Variants in TPRG1 observed in about 807,000 individuals in gnomAD.
The protein encoded by TPRG1 is tumor protein p63-regulated gene 1 protein.
TPRG1 carries 29 observed loss-of-function variants against 29.3 expected under a neutral mutation model. The observed-to-expected ratio is 0.99, with a 90% CI of 0.74 to 1.35. TPRG1 has a LOEUF of 1.35. Among genes scored for constraint, TPRG1 ranks in the 40% most tolerant of loss-of-function variants. The pLI is 0.00. For synonymous variants in TPRG1, 130 were observed against 116.8 expected (o/e 1.11, Z -0.73); for missense variants, 327 against 335.0 (o/e 0.98, Z 0.19).
At chr3:189,174,474 A>T (rs1221723424) in intron 1 of TPRG1, among the ~76,000 whole-genome samples, 2 of 152,102 alleles carry the variant, frequency 1.3e-5, no homozygotes, top group African/African-American at 4.8e-5. Context: ...TTAGGCTACC[A>T]AGTGTTTGAA....
chr3:189,310,392 A>C lies in TPRG1; in HGVS notation c.486A>C (p.Gln162His). 6.3e-7 allele frequency: 1 copy of C among 1,593,552 alleles called. No individual in the cohort carries two copies. ...TFPGMSLDKR[Q>H]GEGLRIYWGS... ...GAAAACGCCTTTCTTGTAGGAGACA[A>C]GGAGAAGGCCTTAGGATCTACTGGG... The change falls in exon 5 of 6, where the codon CAA becomes CAC. Residue 162 changes from glutamine to histidine, a missense_variant. Gln to His is a conservative substitution (Grantham distance 24, BLOSUM62 0). Transcript: ENST00000345063.
chr3:189,178,956 A>C (rs938151718), intron 1 of TPRG1, among the ~76,000 whole-genome samples: 1 of 152,174 alleles, frequency 6.6e-6, no homozygotes, highest in African/African-American at 2.4e-5. Flanking sequence ...ATCAGTGAAA[A>C]CTTGCAGTAT....
At chr3:189,021,721 C>A (rs1311700560) in intron 3 of TPRG1, among the ~76,000 whole-genome samples, 5 of 152,064 alleles carry the variant, frequency 3.3e-5, no homozygotes, top group Admixed American at 6.5e-5. Flanking sequence ...TGGAGTTGCT[C>A]TTCTCGAGGA....
chr3:189,186,000 C>T (rs966510595), intron 1 of TPRG1, among the ~76,000 whole-genome samples: 6 of 152,086 alleles, frequency 3.9e-5, no homozygotes, highest in Admixed American at 3.9e-4. Context: ...CAATAAGAAC[C>T]TTTAATTTTA....
At chr3:189,119,549 A>C (rs745472277) in intron 1 of TPRG1, among the ~76,000 whole-genome samples, 33 of 152,172 alleles carry the variant, frequency 2.2e-4, no homozygotes, top group Non-Finnish European at 8.8e-5. Context: ...CTGGAGTTGT[A>C]ATAATCTCCA....
At chr3:189,205,156 C>T (rs2108795524) in intron 1 of TPRG1, among the ~76,000 whole-genome samples, 1 of 152,310 alleles carries the variant, frequency 6.6e-6, no homozygotes, top group South Asian at 2.1e-4. Context: ...TACGACTATT[C>T]AAGTGTGACC....
Position 189,310,419 on chromosome 3 carries a change from G to C in TPRG1, c.513G>C (p.Gly171=). The C allele has an allele frequency of 1.2e-6, 2 of 1,611,048 alleles. No homozygotes were observed. Among genetic ancestry groups the C allele is most frequent in the Non-Finnish European group, 1.7e-6 (2 of 1,178,124 alleles). ...GAGAAGGCCTTAGGATCTACTGGGG[G>C]AGTCCGGAGGAGCAGTCTCTTCTGT... is the stretch of plus-strand genomic sequence containing the variant. ...RQGEGLRIYW[G]SPEEQSLLSR... Residue 171 remains glycine, a synonymous_variant, in exon 5 of 6, where the codon GGG becomes GGC. Coordinates refer to ENST00000345063, the MANE Select transcript of TPRG1 (RefSeq NM_198485.4).
intron 3 of TPRG1, among the ~76,000 whole-genome samples, chr3:189,014,651 G>C (rs1712826720): frequency 6.6e-6 from 1 of 152,134 alleles, no homozygotes; most frequent in Admixed American, 6.6e-5. Flanking sequence ...TCATGATTGT[G>C]AGGGAGTTCT....
At chr3:189,160,056 C>CG (rs1560500415) in intron 5 of TPRG1, among the ~76,000 whole-genome samples, 1 of 151,782 alleles carries the variant, frequency 6.6e-6, no homozygotes, top group African/African-American at 2.4e-5. Flanking sequence ...TGTGGGTGGT[C>CG]GGGGGGTCAA....
At chr3:189,114,141 G>A (rs762834777) in intron 1 of TPRG1, among the ~76,000 whole-genome samples, 3 of 152,064 alleles carry the variant, frequency 2.0e-5, no homozygotes, top group Non-Finnish European at 2.9e-5. Context: ...TTTTATTGTG[G>A]GGTGTTTTGA....
chr3:189,192,911 T>C (rs1731918438), intron 1 of TPRG1, among the ~76,000 whole-genome samples: 2 of 152,148 alleles, frequency 1.3e-5, no homozygotes, highest in South Asian at 4.1e-4. Flanking sequence ...TGGGAAATAC[T>C]TTATTTTCAC....
chr3:189,088,145 T>G (rs1324802040), intron 4 of TPRG1, among the ~76,000 whole-genome samples: 1 of 152,248 alleles, frequency 6.6e-6, no homozygotes, highest in Non-Finnish European at 1.5e-5. Flanking sequence ...GCATCGAATA[T>G]TCTTCCATTT....
At chr3:189,060,039 C>A (rs1420500912) in intron 4 of TPRG1, among the ~76,000 whole-genome samples, 1 of 152,168 alleles carries the variant, frequency 6.6e-6, no homozygotes, top group Non-Finnish European at 1.5e-5. Flanking sequence ...TTGAGACCAA[C>A]CTGACCAACC....
chr3:189,032,732 T>C (rs550757225), intron 4 of TPRG1, among the ~76,000 whole-genome samples: 2 of 145,878 alleles, frequency 1.4e-5, no homozygotes, highest in African/African-American at 2.5e-5. Flanking sequence ...TATCTCCTAA[T>C]GCTATCCCTC....
intron 4 of TPRG1, among the ~76,000 whole-genome samples, chr3:189,284,203 T>C (rs1171343254): frequency 2.7e-5 from 4 of 149,738 alleles, no homozygotes; most frequent in African/African-American, 9.8e-5. Flanking sequence ...ACTTTTACTT[T>C]TTTTTTTTTT....
intron 4 of TPRG1, among the ~76,000 whole-genome samples, chr3:189,057,073 A>G (rs953750075): frequency 1.5e-4 from 23 of 152,160 alleles, no homozygotes; most frequent in African/African-American, 5.5e-4. Flanking sequence ...CATCACATCT[A>G]TCATGCTTTC....
intron 3 of TPRG1, among the ~76,000 whole-genome samples, chr3:189,012,952 T>C (rs529458787): frequency 2.0e-5 from 3 of 152,248 alleles, no homozygotes; most frequent in African/African-American, 7.2e-5. Flanking sequence ...CCTGGATTTG[T>C]TGATTTCTTG....
intron 3 of TPRG1, among the ~76,000 whole-genome samples, chr3:189,016,125 G>A (rs957911501): frequency 2.6e-5 from 4 of 152,102 alleles, no homozygotes; most frequent in African/African-American, 4.8e-5. Flanking sequence ...GAGCCACAGG[G>A]GTCGAGATGC....
At chr3:189,313,477 T>G (rs1723017567) in intron 5 of TPRG1, among the ~76,000 whole-genome samples, 1 of 152,176 alleles carries the variant, frequency 6.6e-6, no homozygotes, top group East Asian at 1.9e-4. Flanking sequence ...AATCAAAAAC[T>G]GAAGCAATTT....
Sources: gnomAD v4.1 joint callset for allele counts (sites outside exome capture counted in the v4.1 genomes callset) on GRCh38, gnomAD v4.1.1 for gene constraint, MANE v1.5 for transcripts, NCBI Gene and HGNC (gene_info 2026-07-23, HGNC 2026-07-21) for gene names.